The following ROBO2 variants were observed in gnomAD, a reference collection of about 807,000 sequenced individuals.
ROBO2 encodes the protein roundabout guidance receptor 2, also known as roundabout homolog 2.
ROBO2 carries 53 observed loss-of-function variants against 160.8 expected under a neutral mutation model. The observed-to-expected ratio is 0.33, with a 90% CI of 0.26 to 0.41. ROBO2 has a LOEUF of 0.41. ROBO2 is among the 10% of genes least tolerant of loss of function. ROBO2 has a pLI of 1.00. For missense variants in ROBO2, 1,577 were observed against 1,722.4 expected (o/e 0.92, Z 1.49); for synonymous variants, 664 against 611.7 (o/e 1.09, Z -1.26).
intron 2 of ROBO2, among the ~76,000 whole-genome samples, chr3:77,216,223 C>T (rs141325141): frequency 4.6e-5 from 7 of 152,236 alleles, no homozygotes; most frequent in African/African-American, 9.6e-5. Context: ...GTGGGCTCCA[C>T]GCAGTTCGAA....
chr3:77,554,961 C>T (rs952477262), intron 8 of ROBO2, among the ~76,000 whole-genome samples: 14 of 151,828 alleles, frequency 9.2e-5, no homozygotes, highest in African/African-American at 1.5e-4. Context: ...AAAATCTTTC[C>T]TGAAAGGAAT....
chr3:76,125,808 T>G (rs917258477), intron 2 of ROBO2, among the ~76,000 whole-genome samples: 2 of 152,132 alleles, frequency 1.3e-5, no homozygotes, highest in African/African-American at 4.8e-5. Context: ...TCTTAGAGCA[T>G]CAAAATAATT....
chr3:77,295,975 A>T (rs1384279479), intron 2 of ROBO2, among the ~76,000 whole-genome samples: 1 of 143,784 alleles, frequency 7.0e-6, no homozygotes, highest in Admixed American at 7.0e-5. Context: ...AGATCACTCC[A>T]GGCATAAAGT....
At chr3:77,160,236 C>T (rs1480247025) in intron 2 of ROBO2, among the ~76,000 whole-genome samples, 2 of 152,212 alleles carry the variant, frequency 1.3e-5, no homozygotes, top group East Asian at 3.9e-4. Flanking sequence ...TAGATATAAT[C>T]TTTCCCAGTG....
chr3:77,235,816 A>G (rs2087888324), intron 2 of ROBO2, among the ~76,000 whole-genome samples: 1 of 152,212 alleles, frequency 6.6e-6, no homozygotes, highest in African/African-American at 2.4e-5. Context: ...TTGAGAAGGT[A>G]TAGAGATTTC....
intron 2 of ROBO2, among the ~76,000 whole-genome samples, chr3:77,300,268 T>C (rs1488725555): frequency 3.3e-5 from 5 of 151,740 alleles, no homozygotes; most frequent in Admixed American, 2.0e-4. Flanking sequence ...CCTCACATAT[T>C]CCAAAAATTA....
intron 2 of ROBO2, among the ~76,000 whole-genome samples, chr3:76,612,568 A>G (rs2109097806): frequency 6.6e-6 from 1 of 152,282 alleles, no homozygotes; most frequent in African/African-American, 2.4e-5. Context: ...GGACAAGGGG[A>G]GAACATTAGG....
intron 2 of ROBO2, among the ~76,000 whole-genome samples, chr3:76,347,859 TA>T (rs1385693419): frequency 6.6e-6 from 1 of 152,150 alleles, no homozygotes; most frequent in Non-Finnish European, 1.5e-5. Context: ...TACTATATAT[TA>T]AGCAATCTAA....
At chr3:75,951,524 C>T (rs189497950) in intron 2 of ROBO2, among the ~76,000 whole-genome samples, 8 of 152,062 alleles carry the variant, frequency 5.3e-5, no homozygotes, top group East Asian at 1.9e-4. Flanking sequence ...TTTACATCAT[C>T]GGAATGCCAT....
intron 1 of ROBO2, among the ~76,000 whole-genome samples, chr3:77,089,191 A>T (rs1404810233): frequency 1.3e-5 from 2 of 152,242 alleles, no homozygotes; most frequent in African/African-American, 2.4e-5. Flanking sequence ...GTGGGTAAGA[A>T]GAAAAAGTCA....
intron 2 of ROBO2, among the ~76,000 whole-genome samples, chr3:77,105,465 C>T (rs1480812459): frequency 1.3e-5 from 2 of 152,120 alleles, no homozygotes; most frequent in African/African-American, 2.4e-5. Context: ...CGCTCCCTAG[C>T]TCCAGGTACT....
intron 2 of ROBO2, among the ~76,000 whole-genome samples, chr3:76,916,947 T>C (rs1485937546): frequency 6.6e-6 from 1 of 152,072 alleles, no homozygotes; most frequent in Non-Finnish European, 1.5e-5. Context: ...AAACTTCTAG[T>C]TGAATTTTCT....
chr3:77,496,310 A>G (rs1260190035), intron 5 of ROBO2, among the ~76,000 whole-genome samples: 1 of 152,200 alleles, frequency 6.6e-6, no homozygotes, highest in African/African-American at 2.4e-5. Flanking sequence ...TCAGTATTTC[A>G]TCATGAAAGA....
At chr3:76,546,992 T>G (rs938853797) in intron 2 of ROBO2, among the ~76,000 whole-genome samples, 1 of 151,946 alleles carries the variant, frequency 6.6e-6, no homozygotes, top group African/African-American at 2.4e-5. Context: ...GCAATCCAGT[T>G]TAAGAGCAAA....
At chr3:76,774,815 T>TC (rs1300025987) in intron 2 of ROBO2, among the ~76,000 whole-genome samples, 1 of 4,450 alleles carries the variant, frequency 2.2e-4, no homozygotes, top group African/African-American at 7.6e-4. Flanking sequence ...GAATATCCTC[T>TC]TTTTTTTTTT....
intron 2 of ROBO2, among the ~76,000 whole-genome samples, chr3:76,818,778 T>C (rs1274641051): frequency 6.6e-6 from 1 of 152,040 alleles, no homozygotes; most frequent in African/African-American, 2.4e-5. Context: ...AGTTTTTGGG[T>C]TTATTTCTGG....
chr3:76,991,551 GT>G lies in ROBO2; in HGVS notation c.110-106459del, dbSNP rs372333760. 5.3e-5 allele frequency among the ~76,000 whole-genome samples: 8 copies of G among 152,212 alleles called. No homozygotes were observed. In the East Asian group the frequency reaches 1.2e-3, roughly 22 times the overall value. ...TGGTTCCACAACGCTGTTGTGTGTT[GT>G]TTTGCTTTTTATCACGGGATTCATT... On this transcript the variant is annotated intron_variant, in intron 2 of 26. Transcript: ENST00000487694.
chr3:76,051,816 T>C (rs1373464968), intron 2 of ROBO2, among the ~76,000 whole-genome samples: 1 of 151,516 alleles, frequency 6.6e-6, no homozygotes, highest in East Asian at 2.0e-4. Flanking sequence ...TATTGTAAGA[T>C]AAATTATATA....
chr3:77,040,069 T>A, exon 1 of ROBO2: 13 of 128,076 alleles, frequency 1.0e-4, no homozygotes, highest in Non-Finnish European at 2.1e-4. Context: ...CCTCCCTCCC[T>A]CCCTCGCTCC....
Sources: gnomAD v4.1 joint callset for allele counts (sites outside exome capture counted in the v4.1 genomes callset) on GRCh38, gnomAD v4.1.1 for gene constraint, MANE v1.5 for transcripts, NCBI Gene and HGNC (gene_info 2026-07-23, HGNC 2026-07-21) for gene names.